The following TMOD3 variants were observed in gnomAD, a reference collection of about 807,000 sequenced individuals.
TMOD3 encodes tropomodulin-3.
Under a neutral mutation model 39.2 loss-of-function variants are expected in TMOD3, and 20 were observed. The ratio of observed to expected loss-of-function variants is 0.51; its 90% CI spans 0.36 to 0.74. The LOEUF (loss-of-function observed/expected upper bound fraction) is 0.74. Ranked by LOEUF, TMOD3 falls within the 30% of genes least tolerant of loss-of-function variation. TMOD3 has a pLI of 0.00. For synonymous variants in TMOD3, 143 were observed against 145.8 expected (o/e 0.98, Z 0.14); for missense variants, 381 against 412.8 (o/e 0.92, Z 0.67).
intron 3 of TMOD3, among the ~76,000 whole-genome samples, chr15:51,885,465 A>G (rs2056556133): frequency 6.6e-6 from 1 of 152,100 alleles, no homozygotes. Flanking sequence ...GTCCCTGGGT[A>G]CTTGAGATTC....
intron 1 of TMOD3, among the ~76,000 whole-genome samples, chr15:51,856,577 A>G (rs762278214): frequency 5.5e-4 from 83 of 151,254 alleles, no homozygotes; most frequent in Admixed American, 5.1e-3. Flanking sequence ...GATTTGTTAC[A>G]TATAACCAAC....
At chr15:51,851,068 GTT>G (rs773521622) in intron 1 of TMOD3, among the ~76,000 whole-genome samples, 64 of 152,312 alleles carry the variant, frequency 4.2e-4, no homozygotes, top group Non-Finnish European at 8.1e-4. Flanking sequence ...TGCCAGAGGA[GTT>G]CCAGAGAGAC....
intron 3 of TMOD3, chr15:51,884,458 A>G (rs1005907394): frequency 3.9e-5 from 6 of 152,210 alleles, no homozygotes; most frequent in African/African-American, 1.4e-4. Flanking sequence ...TTGAACAACC[A>G]TTCACAGATG....
chr15:51,903,846 G>C (rs1158097602), intron 9 of TMOD3, among the ~76,000 whole-genome samples: 1 of 152,266 alleles, frequency 6.6e-6, no homozygotes, highest in East Asian at 1.9e-4. Context: ...CAAAAAGATG[G>C]TTGACCAGAG....
intron 1 of TMOD3, chr15:51,860,140 C>CT: frequency 6.3e-6 from 3 of 473,842 alleles, no homozygotes; most frequent in South Asian, 4.9e-5. Context: ...GACTCGATCT[C>CT]TAATTGTCAC....
At chr15:51,885,300 T>TTTTTTTTTTTTTTTTTTTTTTTTTTG (rs1248101316) in intron 3 of TMOD3, among the ~76,000 whole-genome samples, 1 of 150,548 alleles carries the variant, frequency 6.6e-6, no homozygotes, top group African/African-American at 2.4e-5. Context: ...TTTTTTTTTT[T>TTTTTTTTTTTTTTTTTTTTTTTTTTG]TTAGTATTTA....
chr15:51,879,780 T>C (rs929925889), intron 3 of TMOD3, among the ~76,000 whole-genome samples: 8 of 152,082 alleles, frequency 5.3e-5, no homozygotes, highest in African/African-American at 1.4e-4. Context: ...CTGACAGAGA[T>C]ACTTGGGACT....
chr15:51,908,617 T>G (rs2056694044), intron 9 of TMOD3, among the ~76,000 whole-genome samples, 159 bp from the exon 10 acceptor site: 1 of 151,958 alleles, frequency 6.6e-6, no homozygotes, highest in Non-Finnish European at 1.5e-5. Context: ...AGGTTGTTTT[T>G]TTTTTTTTTT....
At chr15:51,905,288 A>G (rs1470255990) in intron 9 of TMOD3, among the ~76,000 whole-genome samples, 1 of 152,204 alleles carries the variant, frequency 6.6e-6, no homozygotes, top group Non-Finnish European at 1.5e-5. Context: ...ACCTGAGGTC[A>G]GGAGTTTGAG....
intron 1 of TMOD3, among the ~76,000 whole-genome samples, chr15:51,831,034 G>T (rs1477028872): frequency 1.3e-5 from 2 of 152,142 alleles, no homozygotes; most frequent in Non-Finnish European, 2.9e-5. Flanking sequence ...AAATTAGGTT[G>T]TTGGACCAGA....
intron 7 of TMOD3, among the ~76,000 whole-genome samples, chr15:51,897,144 C>CA (rs892925204): frequency 1.3e-5 from 2 of 152,212 alleles, no homozygotes; most frequent in African/African-American, 4.8e-5. Flanking sequence ...CTGGTTTCTC[C>CA]ATATCTCTTC....
chr15:51,874,964 C>T (rs2056494134), intron 3 of TMOD3: 1 of 152,184 alleles, frequency 6.6e-6, no homozygotes, highest in East Asian at 1.9e-4. Context: ...TTTTCCTATC[C>T]TGAGAATGGA....
intron 7 of TMOD3, among the ~76,000 whole-genome samples, chr15:51,897,254 A>G (rs1033975495): frequency 6.6e-6 from 1 of 152,014 alleles, no homozygotes; most frequent in South Asian, 2.1e-4. Flanking sequence ...ATCTTCATAT[A>G]CTTGCTGATG....
chr15:51,895,190 A>G (rs1409272892), intron 6 of TMOD3, among the ~76,000 whole-genome samples: 1 of 151,660 alleles, frequency 6.6e-6, no homozygotes, highest in Admixed American at 6.6e-5. Flanking sequence ...CCTCAGAGAA[A>G]GCTTATATTC....
intron 3 of TMOD3, among the ~76,000 whole-genome samples, chr15:51,884,035 T>C (rs945794997): frequency 2.0e-5 from 3 of 152,214 alleles, no homozygotes; most frequent in African/African-American, 7.2e-5. Context: ...CTAAGATCGA[T>C]GGGCATTTGT....
intron 3 of TMOD3, among the ~76,000 whole-genome samples, chr15:51,870,217 G>T (rs566367471): frequency 6.6e-6 from 1 of 152,234 alleles, no homozygotes; most frequent in South Asian, 2.1e-4. Flanking sequence ...GGGATTACAG[G>T]CATGAGCCAC....
At chr15:51,832,880 A>G (rs184564528) in intron 1 of TMOD3, among the ~76,000 whole-genome samples, 48 of 152,094 alleles carry the variant, frequency 3.2e-4, no homozygotes, top group African/African-American at 1.1e-3. Flanking sequence ...CTGGCAAACT[A>G]CTCTTCACAC....
chr15:51,879,892 A>ACACACACACAC (rs1270133426), intron 3 of TMOD3, among the ~76,000 whole-genome samples: 1 of 150,224 alleles, frequency 6.7e-6, no homozygotes, highest in Non-Finnish European at 1.5e-5. Context: ...ACACACACGA[A>ACACACACACAC]GAAGAAATTC....
chr15:51,869,271 A>G lies in TMOD3; in HGVS notation c.181A>G (p.Thr61Ala), dbSNP rs151135583. The G allele has an allele frequency of 2.5e-5, 40 of 1,614,086 alleles. No homozygotes were observed. In the African/African-American group the frequency reaches 4.4e-4, roughly 18 times the overall value. Reference sequence around the variant, plus strand: ...GAAGAACCAGACATCAAAGTCCACCACAGGGCCATTTGATAGAGAGCATCT... The same window carrying G: ...GAAGAACCAGACATCAAAGTCCACCGCAGGGCCATTTGATAGAGAGCATCT... ...RQKNQTSKST[T>A]GPFDREHLLS... is the part of the protein sequence containing the mutation. Residue 61 changes from threonine (T) to alanine (A), a missense_variant, in exon 3 of 10, where the codon ACA becomes GCA. Physicochemically the swap from Thr to Ala is moderately conservative, Grantham distance 58. Transcript: ENST00000308580.
Sources: allele counts gnomAD v4.1 joint callset (sites outside exome capture counted in the v4.1 genomes callset), GRCh38; gene constraint gnomAD v4.1.1; transcripts MANE v1.5; gene names NCBI Gene and HGNC (gene_info 2026-07-23, HGNC 2026-07-21).